F13A1: variants seen among roughly 807,000 people sequenced by gnomAD.
The protein encoded by F13A1 is coagulation factor XIII A chain.
F13A1 carries 47 observed loss-of-function variants against 80.1 expected under a neutral mutation model. That is an observed-to-expected ratio of 0.59 (90% CI 0.46 to 0.75). The LOEUF (loss-of-function observed/expected upper bound fraction) is 0.75, where lower values mean the gene tolerates loss of function less well. Among genes scored for constraint, F13A1 ranks in the 30% least tolerant of loss-of-function variants. The pLI, the probability that F13A1 is intolerant of heterozygous loss-of-function variation, is 0.00. For synonymous variants in F13A1, 349 were observed against 344.9 expected (o/e 1.01, Z -0.13); for missense variants, 817 against 930.4 (o/e 0.88, Z 1.59).
chr6:6,260,061 G>A (rs1757757755), intron 4 of F13A1, among the ~76,000 whole-genome samples: 1 of 152,172 alleles, frequency 6.6e-6, no homozygotes, highest in African/African-American at 2.4e-5. Context: ...TCTCACTCCT[G>A]CTGCCTTTGT....
intron 3 of F13A1, among the ~76,000 whole-genome samples, chr6:6,302,632 C>T (rs746666660): frequency 2.6e-5 from 4 of 152,100 alleles, no homozygotes; most frequent in African/African-American, 7.2e-5. Flanking sequence ...TGAGTGAATG[C>T]GAAGGCCTAG....
At chr6:6,298,524 A>T (rs541715172) in intron 3 of F13A1, among the ~76,000 whole-genome samples, 4 of 148,966 alleles carry the variant, frequency 2.7e-5, no homozygotes, top group Admixed American at 2.6e-4. Context: ...GTCTCTTTTG[A>T]TCTTTGTTGG....
rs931826087 is a variant in F13A1, at chr6:6,238,251, T to C, written c.798+10061A>G. The stretch of plus-strand genomic sequence containing the variant: ...CAACAAAGAAACTCTTTGCAACGAA[T>C]GAAAGCCTTTCCAACAGTCTTTTCA... On this transcript the variant is annotated intron_variant, in intron 6 of 14. Coordinates refer to ENST00000264870, the MANE Select transcript of F13A1 (RefSeq NM_000129.4). 2.4e-4 allele frequency among the ~76,000 whole-genome samples: 37 copies of C among 152,188 alleles called. 1 individual carries two copies. Among genetic ancestry groups the C allele is most frequent in the Admixed American group, 2.1e-3 (32 of 15,262 alleles).
chr6:6,305,905 T>C (rs940689520), intron 2 of F13A1, among the ~76,000 whole-genome samples: 1 of 152,222 alleles, frequency 6.6e-6, no homozygotes, highest in African/African-American at 2.4e-5. Context: ...CTTCCCATCA[T>C]GTCACTGCCT....
chr6:6,294,848 C>T (rs1297754113), intron 3 of F13A1, among the ~76,000 whole-genome samples: 2 of 150,126 alleles, frequency 1.3e-5, no homozygotes, highest in Non-Finnish European at 2.9e-5. Context: ...CACCCACTAA[C>T]TCGTCATCCA....
At chr6:6,301,032 C>T (rs147221531) in intron 3 of F13A1, among the ~76,000 whole-genome samples, 1,745 of 152,208 alleles carry the variant, frequency 0.011, 12 homozygotes, top group Non-Finnish European at 0.019. Context: ...AATTGAGGTG[C>T]ACCTGTATAT....
At chr6:6,270,341 C>T (rs999215967) in intron 3 of F13A1, among the ~76,000 whole-genome samples, 1 of 152,186 alleles carries the variant, frequency 6.6e-6, no homozygotes, top group African/African-American at 2.4e-5. Flanking sequence ...AACATCTGTA[C>T]TACTAGTAGG....
intron 3 of F13A1, among the ~76,000 whole-genome samples, chr6:6,289,711 T>C (rs17142020): frequency 0.075 from 11,460 of 152,206 alleles, 1,139 homozygotes; most frequent in African/African-American, 0.22. Flanking sequence ...AAAATGCTAC[T>C]ACAGAGGCTT....
chr6:6,309,222 TACTA>T (rs202064898), intron 2 of F13A1, among the ~76,000 whole-genome samples: 2,356 of 152,308 alleles, frequency 0.015, 20 homozygotes, highest in African/African-American at 0.027. Context: ...GTCTAATAAC[TACTA>T]ACTAAGTAAA....
At chr6:6,168,079 T>C (rs1182323751) in intron 12 of F13A1, among the ~76,000 whole-genome samples, 2 of 152,216 alleles carry the variant, frequency 1.3e-5, no homozygotes, top group African/African-American at 4.8e-5. Context: ...TCAGACTAAA[T>C]TGTCAACTAC....
intron 13 of F13A1, among the ~76,000 whole-genome samples, chr6:6,161,545 TGTGTGTGAGAGAGAGAGAGA>T (rs1760573983): frequency 6.6e-6 from 1 of 150,964 alleles, no homozygotes; most frequent in African/African-American, 2.5e-5. Context: ...TGTGTGTGTG[TGTGTGTGAGAGAGAGAGAGA>T]GAGAGAGAGA....
intron 8 of F13A1, among the ~76,000 whole-genome samples, chr6:6,219,283 A>T (rs1757153693): frequency 6.6e-6 from 1 of 151,880 alleles, no homozygotes; most frequent in Non-Finnish European, 1.5e-5. Flanking sequence ...TGCCCAGCAA[A>T]TCATTCCCAC....
chr6:6,180,477 A>G (rs563473261), intron 11 of F13A1, among the ~76,000 whole-genome samples: 2 of 152,350 alleles, frequency 1.3e-5, no homozygotes, highest in Admixed American at 6.5e-5. Flanking sequence ...GTGTGGATGT[A>G]TGTATGAATG....
intron 8 of F13A1, among the ~76,000 whole-genome samples, chr6:6,203,995 A>G (rs1354034026): frequency 6.6e-6 from 1 of 152,232 alleles, no homozygotes; most frequent in Non-Finnish European, 1.5e-5. Context: ...AGTAGAGCAC[A>G]GTAGTTCAAA....
chr6:6,306,273 A>G (rs1321807737), intron 2 of F13A1, among the ~76,000 whole-genome samples: 1 of 152,222 alleles, frequency 6.6e-6, no homozygotes, highest in Non-Finnish European at 1.5e-5. Flanking sequence ...TGATGCCAAC[A>G]TTCACAGGTT....
chr6:6,316,326 A>G (rs1484661763), intron 2 of F13A1, among the ~76,000 whole-genome samples: 1 of 151,462 alleles, frequency 6.6e-6, no homozygotes, highest in African/African-American at 2.4e-5. Context: ...GAGTCATTCA[A>G]TTCACAAGTG....
chr6:6,285,858 T>G (rs1041938956), intron 3 of F13A1, among the ~76,000 whole-genome samples: 4 of 152,180 alleles, frequency 2.6e-5, no homozygotes, highest in African/African-American at 9.7e-5. Flanking sequence ...AGCAGTTGGG[T>G]GAGTGGGCTC....
intron 3 of F13A1, among the ~76,000 whole-genome samples, chr6:6,294,993 T>C (rs946752208): frequency 3.7e-4 from 54 of 145,938 alleles, no homozygotes; most frequent in African/African-American, 1.4e-3. Flanking sequence ...GAATATGCGG[T>C]GTTTGGTTTT....
intron 10 of F13A1, among the ~76,000 whole-genome samples, chr6:6,191,387 A>G (rs962660207): frequency 6.6e-6 from 1 of 151,808 alleles, no homozygotes; most frequent in African/African-American, 2.4e-5. Context: ...CCCTTTTTCT[A>G]TCCCTACACT....
Sources: gnomAD v4.1 joint callset for allele counts (sites outside exome capture counted in the v4.1 genomes callset) on GRCh38, gnomAD v4.1.1 for gene constraint, MANE v1.5 for transcripts, NCBI Gene and HGNC (gene_info 2026-07-23, HGNC 2026-07-21) for gene names.